Variants in SELP observed in about 807,000 individuals in gnomAD.
SELP encodes the protein P-selectin.
A neutral mutation model predicts 104.1 loss-of-function variants in SELP; 92 were observed. That is an observed-to-expected ratio of 0.88 (90% CI 0.75 to 1.05). SELP has a LOEUF of 1.05. Among genes scored for constraint, SELP ranks in the 50% least tolerant of loss-of-function variants. The pLI, the probability that SELP is intolerant of heterozygous loss-of-function variation, is 0.00. For missense variants in SELP, 1,022 were observed against 1,017.3 expected (o/e 1.00, Z -0.06); for synonymous variants, 397 against 364.5 (o/e 1.09, Z -1.01).
At chr1:169,621,950 A>G (rs1663157566) in intron 1 of SELP, among the ~76,000 whole-genome samples, 1 of 152,228 alleles carries the variant, frequency 6.6e-6, no homozygotes. Context: ...TCTTCAAACC[A>G]GGATAAGGCT....
chr1:169,616,677 C>T (rs1259543524), intron 3 of SELP, among the ~76,000 whole-genome samples: 1 of 151,664 alleles, frequency 6.6e-6, no homozygotes, highest in Non-Finnish European at 1.5e-5. Flanking sequence ...GAAAAAAAAG[C>T]TCTACACCTA....
At chr1:169,609,938 T>C (rs1355162450) in intron 7 of SELP, among the ~76,000 whole-genome samples, 2 of 152,052 alleles carry the variant, frequency 1.3e-5, no homozygotes, top group Non-Finnish European at 2.9e-5. Context: ...CCTTCCCACC[T>C]TAACTAAGGG....
At chr1:169,601,285 T>A (rs112739102) in intron 10 of SELP, among the ~76,000 whole-genome samples, 79 of 152,320 alleles carry the variant, frequency 5.2e-4, no homozygotes, top group Middle Eastern at 6.8e-3. Context: ...GGTAGCATTT[T>A]ATGTCTTTCA....
intron 1 of SELP, among the ~76,000 whole-genome samples, chr1:169,623,497 TA>T (rs1663233871): frequency 6.6e-6 from 1 of 152,232 alleles, no homozygotes; most frequent in Non-Finnish European, 1.5e-5. Context: ...GAACTTTTTT[TA>T]AGCAAAATTT....
intron 1 of SELP, among the ~76,000 whole-genome samples, chr1:169,625,708 T>C (rs1473188242): frequency 6.6e-6 from 1 of 152,182 alleles, no homozygotes; most frequent in East Asian, 1.9e-4. Flanking sequence ...GACAAAAATA[T>C]GCTAAATAAG....
At chr1:169,601,375 G>A (rs1661903241) in intron 10 of SELP, among the ~76,000 whole-genome samples, 1 of 152,176 alleles carries the variant, frequency 6.6e-6, no homozygotes, top group Non-Finnish European at 1.5e-5. Context: ...GAGAAAACGG[G>A]AGCCTAAGGG....
At position 169,613,641 on chromosome 1, in the gene SELP, G is replaced by A. The variant is rs371113357; in HGVS notation, c.534C>T (p.Ile178=). 29 of 1,613,914 alleles carry A rather than the reference G, an allele frequency of 1.8e-5. No homozygotes were observed. In the Admixed American group the frequency reaches 2.2e-4, roughly 12 times the overall value. Residue 178 remains isoleucine (I), a synonymous_variant, in exon 4 of 17, where the codon ATC becomes ATT. Coordinates refer to ENST00000263686, the MANE Select transcript of SELP (RefSeq NM_003005.4). ...CSKQGECLET[I]GNYTCSCYPG... ...GGTAACAGGAGCAGGTGTAGTTCCC[G>A]ATGGTCTCGAGGCACTCTCCTTGTT...
chr1:169,603,278 ACTCT>A lies in SELP; in HGVS notation c.1520-71_1520-68del, dbSNP rs1006057585. 404 of 1,199,506 alleles carry A rather than the reference ACTCT, an allele frequency of 3.4e-4. 2 individuals carry two copies. The highest frequency in any genetic ancestry group is 4.2e-4 in the Non-Finnish European group (373 of 898,328). The allele number at this position is 1,199,506 out of a possible 1,614,324, so 74.3% of individuals were successfully genotyped here. ...ATAATTCAGCAACCTGAACTCTGTA[ACTCT>A]CTCTCTCTTTCTCCCTCTCTCTCTC... On this transcript the variant is annotated intron_variant, in intron 9 of 16. Transcript: ENST00000263686.
intron 1 of SELP, among the ~76,000 whole-genome samples, chr1:169,621,103 G>GTT (rs1663101523): frequency 6.7e-6 from 1 of 149,132 alleles, no homozygotes; most frequent in Admixed American, 6.7e-5. Context: ...TTGTGTGTGT[G>GTT]TGTGTGTGTG....
chr1:169,629,984 C>T, intron 1 of SELP, 88 bp downstream of exon 1: 2 of 1,544,704 alleles, frequency 1.3e-6, no homozygotes, highest in African/African-American at 2.7e-5. Context: ...CGCTGTTCCT[C>T]ACTTTCTGAA....
Position 169,619,236 on chromosome 1 carries a change from A to C in SELP, c.4-17T>G, listed in dbSNP as rs758126131. 1.1e-5 allele frequency: 17 copies of C among 1,603,230 alleles called. No homozygotes were observed. The highest frequency in any genetic ancestry group is 3.3e-4 in the Middle Eastern group (2 of 6,060). On this transcript the variant is annotated splice_polypyrimidine_tract_variant and intron_variant, in intron 1 of 16. Transcript: ENST00000263686. ...GCAGTTGGCCTGAAACAAGAAGAGA[A>C]AACTTTCTTTTAGTATCCATACACC...
intron 15 of SELP, 93 bp downstream of exon 15, chr1:169,591,333 G>A: frequency 1.3e-6 from 1 of 744,952 alleles, no homozygotes; most frequent in Non-Finnish European, 2.2e-6. Context: ...TAAAAAGGAG[G>A]CAGGCATTGC....
chr1:169,616,312 G>C (rs3917705), intron 3 of SELP, among the ~76,000 whole-genome samples: 8,307 of 152,202 alleles, frequency 0.055, 265 homozygotes, highest in South Asian at 0.11. Flanking sequence ...TAAAAATGTA[G>C]AGCAAAGAAT....
At chr1:169,616,070 G>A (rs2101911941) in intron 3 of SELP, among the ~76,000 whole-genome samples, 1 of 152,224 alleles carries the variant, frequency 6.6e-6, no homozygotes, top group South Asian at 2.1e-4. Context: ...CTGACACTAG[G>A]CTCGTGACTA....
At position 169,596,978 on chromosome 1, in the gene SELP, T is replaced by C. The variant is rs951426624; in HGVS notation, c.1891+13A>G. The C allele has an allele frequency of 1.2e-6, 2 of 1,603,138 alleles. No individual in the cohort carries two copies. Among genetic ancestry groups the C allele is most frequent in the African/African-American group, 1.4e-5 (1 of 73,586 alleles). On this transcript the variant is annotated intron_variant, in intron 11 of 16. Transcript: ENST00000263686. ...CCAAAAGTAGAACTGTCTTAGCAAG[T>C]ACATATTATTACCTTTGCAGGTTGG... is the stretch of plus-strand genomic sequence containing the variant.
At chr1:169,596,590 C>T (rs1376337560) in intron 11 of SELP, among the ~76,000 whole-genome samples, 1 of 152,210 alleles carries the variant, frequency 6.6e-6, no homozygotes, top group Non-Finnish European at 1.5e-5. Context: ...ATGATCCCAC[C>T]AGCTTTGTCA....
intron 1 of SELP, among the ~76,000 whole-genome samples, chr1:169,621,913 G>A (rs991614420): frequency 6.6e-6 from 1 of 152,172 alleles, no homozygotes; most frequent in Non-Finnish European, 1.5e-5. Flanking sequence ...ATTTCAAAAT[G>A]CACCATTCCA....
At chr1:169,612,563 C>T (rs1419223235) in intron 5 of SELP, among the ~76,000 whole-genome samples, 161 bp from the exon 6 acceptor site, 1 of 152,150 alleles carries the variant, frequency 6.6e-6, no homozygotes, top group Non-Finnish European at 1.5e-5. Flanking sequence ...TTGGAAAGAT[C>T]AAACACCCTT....
At chr1:169,629,336 T>C (rs1195397707) in intron 1 of SELP, among the ~76,000 whole-genome samples, 4 of 152,270 alleles carry the variant, frequency 2.6e-5, no homozygotes, top group Admixed American at 6.5e-5. Flanking sequence ...AAGAATTTTC[T>C]TTTTATTGTA....
Sources: allele counts gnomAD v4.1 joint callset (sites outside exome capture counted in the v4.1 genomes callset), GRCh38; gene constraint gnomAD v4.1.1; transcripts MANE v1.5; gene names NCBI Gene and HGNC (gene_info 2026-07-23, HGNC 2026-07-21).